The following ABCD3 variants were observed in gnomAD, a reference collection of about 807,000 sequenced individuals.
ABCD3 encodes ATP-binding cassette sub-family D member 3.
In ABCD3, 41 loss-of-function variants were observed where a neutral mutation model predicts 105.5. The ratio of observed to expected loss-of-function variants is 0.39; its 90% confidence interval spans 0.30 to 0.50. ABCD3 has a LOEUF of 0.50. ABCD3 is among the 20% of genes least tolerant of loss of function. ABCD3 has a pLI of 0.84. For missense variants in ABCD3, 622 were observed against 806.3 expected (o/e 0.77, Z 2.77); for synonymous variants, 258 against 269.0 (o/e 0.96, Z 0.40).
At chr1:94,467,785 A>AAAAAATGT in intron 3 of ABCD3, 134 bp from the exon 4 acceptor site, 1 of 662,202 alleles carries the variant, frequency 1.5e-6, no homozygotes, top group Non-Finnish European at 2.7e-6. Context: ...TTACTTATAG[A>AAAAAATGT]AAAAATGTCA....
chr1:94,451,502 A>G (rs576832326), intron 1 of ABCD3, among the ~76,000 whole-genome samples: 100 of 152,316 alleles, frequency 6.6e-4, no homozygotes, highest in African/African-American at 2.1e-3. Flanking sequence ...CAGCATCTTA[A>G]TAAACAAAAA....
intron 1 of ABCD3, among the ~76,000 whole-genome samples, chr1:94,426,625 C>G (rs1302765448): frequency 6.6e-6 from 1 of 151,940 alleles, no homozygotes; most frequent in African/African-American, 2.4e-5. Context: ...TTACCGCAAC[C>G]TCCGACTCCC....
chr1:94,509,988 C>T (rs1650580882), intron 21 of ABCD3, among the ~76,000 whole-genome samples: 1 of 152,060 alleles, frequency 6.6e-6, no homozygotes. Context: ...TCTCTATTTC[C>T]TTCAGTTCTG....
intron 13 of ABCD3, among the ~76,000 whole-genome samples, chr1:94,488,767 T>C (rs1301315234): frequency 2.0e-5 from 3 of 152,092 alleles, no homozygotes; most frequent in Admixed American, 6.6e-5. Flanking sequence ...CTTATGGCTT[T>C]ACAGTTCATG....
intron 20 of ABCD3, among the ~76,000 whole-genome samples, chr1:94,501,726 A>T (rs1650107142): frequency 6.6e-6 from 1 of 152,192 alleles, no homozygotes; most frequent in East Asian, 1.9e-4. Flanking sequence ...CTTCCTATTT[A>T]GTAATAACTT....
At chr1:94,395,554 C>T in the ABCD3 span, among the ~76,000 whole-genome samples, 1 of 152,112 alleles carries the variant, frequency 6.6e-6, no homozygotes, top group Non-Finnish European at 1.5e-5. Context: ...TTTTTCTGTC[C>T]TCCAATTTTC....
chr1:94,440,161 TATA>T (rs1446784866), intron 1 of ABCD3, among the ~76,000 whole-genome samples: 1 of 152,250 alleles, frequency 6.6e-6, no homozygotes, highest in Non-Finnish European at 1.5e-5. Context: ...TATTTTTTCT[TATA>T]ATGTTGTAAA....
At chr1:94,453,479 T>C (rs1195969008) in intron 1 of ABCD3, among the ~76,000 whole-genome samples, 1 of 151,928 alleles carries the variant, frequency 6.6e-6, no homozygotes, top group East Asian at 1.9e-4. Flanking sequence ...CCACCTCGCC[T>C]GGCTAATTTT....
At chr1:94,420,126 T>C (rs1659202020) in intron 1 of ABCD3, among the ~76,000 whole-genome samples, 2 of 152,218 alleles carry the variant, frequency 1.3e-5, no homozygotes. Flanking sequence ...ATATGTGATA[T>C]AGTATCACAT....
chr1:94,403,743 T>A, the ABCD3 span, among the ~76,000 whole-genome samples: 2 of 152,324 alleles, frequency 1.3e-5, no homozygotes, highest in African/African-American at 4.8e-5. Context: ...ACTCCTGTGT[T>A]CCTGTGACAT....
Position 94,487,637 on chromosome 1 carries a change from A to G in ABCD3, c.967+26A>G, listed in dbSNP as rs375773868. The G allele has an allele frequency of 3.8e-5, 62 of 1,612,950 alleles. No homozygotes were observed. The highest frequency in any genetic ancestry group is 1.6e-4 in the Middle Eastern group (1 of 6,082). On this transcript the variant is annotated intron_variant, in intron 11 of 22. Transcript: ENST00000370214. Reference sequence around the variant, plus strand: ...GTAAGTATATTTTGAAAGAGATGAGATTTGTGGAAAAGGTGAAATACTGTT... The same window carrying G: ...GTAAGTATATTTTGAAAGAGATGAGGTTTGTGGAAAAGGTGAAATACTGTT...
intron 21 of ABCD3, chr1:94,514,011 G>C (rs979393037): frequency 1.3e-5 from 2 of 151,870 alleles, no homozygotes; most frequent in Admixed American, 6.6e-5. Context: ...ACAAACCGAG[G>C]AACTTGAATC....
chr1:94,517,975 T>G lies in ABCD3; in HGVS notation c.*846T>G, dbSNP rs1651005527. The G allele has an allele frequency of 6.6e-6, 1 of 151,894 alleles. No individual in the cohort carries two copies. The highest frequency in any genetic ancestry group is 2.1e-4 in the South Asian group (1 of 4,824). The allele number at this position is 151,894 out of a possible 1,614,324, so 9.4% of individuals were successfully genotyped here. On this transcript the variant is annotated 3_prime_UTR_variant, in exon 23 of 23. Transcript: ENST00000370214. ...GCCCATTCATTAGAAGTGTGGTGGT[T>G]ATTTGGTATTAAACTCCAAATGAGC...
chr1:94,450,608 C>T (rs1570760254), intron 1 of ABCD3, among the ~76,000 whole-genome samples: 1 of 152,222 alleles, frequency 6.6e-6, no homozygotes, highest in Non-Finnish European at 1.5e-5. Context: ...TCTATAGAAA[C>T]AATGCTTATC....
At chr1:94,464,969 G>C in intron 3 of ABCD3, 96 bp downstream of exon 3, 1 of 1,065,332 alleles carries the variant, frequency 9.4e-7, no homozygotes, top group African/African-American at 1.6e-5. Flanking sequence ...GATTTAATTG[G>C]CTCCTGGATC....
intron 1 of ABCD3, among the ~76,000 whole-genome samples, chr1:94,451,853 G>A (rs775044165): frequency 6.6e-6 from 1 of 152,178 alleles, no homozygotes; most frequent in Non-Finnish European, 1.5e-5. Context: ...ATATCAGTTT[G>A]GAGTTGATAG....
chr1:94,473,699 C>T, intron 4 of ABCD3, 67 bp from the exon 5 acceptor site: 1 of 1,181,322 alleles, frequency 8.5e-7, no homozygotes, highest in Non-Finnish European at 1.3e-6. Flanking sequence ...TAGAGCTTTA[C>T]AGAAGTTTTC....
chr1:94,513,530 ATAAACT>A (rs1397097037), intron 21 of ABCD3: 2 of 152,108 alleles, frequency 1.3e-5, no homozygotes, highest in Admixed American at 1.3e-4. Context: ...CAAAACTAAT[ATAAACT>A]TACACATTAA....
At chr1:94,512,841 G>A (rs749579969) in intron 21 of ABCD3, among the ~76,000 whole-genome samples, 3 of 152,002 alleles carry the variant, frequency 2.0e-5, no homozygotes, top group Non-Finnish European at 4.4e-5. Context: ...AAGTAAATGA[G>A]GTAGATGAGG....
Sources: allele counts gnomAD v4.1 joint callset (sites outside exome capture counted in the v4.1 genomes callset), GRCh38; gene constraint gnomAD v4.1.1; transcripts MANE v1.5; gene names NCBI Gene and HGNC (gene_info 2026-07-23, HGNC 2026-07-21).